Variants in ERLIN1 observed in about 807,000 individuals in gnomAD.
ERLIN1 encodes erlin-1.
ERLIN1 carries 24 observed loss-of-function variants against 46.9 expected under a neutral mutation model. The observed-to-expected ratio is 0.51, with a 90% CI of 0.37 to 0.72. The LOEUF is 0.72. Ranked by LOEUF, ERLIN1 falls within the 30% of genes least tolerant of loss-of-function variation. The pLI is 0.00. For synonymous variants in ERLIN1, 158 were observed against 143.2 expected (o/e 1.10, Z -0.74); for missense variants, 293 against 417.9 (o/e 0.70, Z 2.61).
At chr10:100,174,161 C>A (rs1364784367) in intron 6 of ERLIN1, 47 bp downstream of exon 6, 1 of 1,238,044 alleles carries the variant, frequency 8.1e-7, no homozygotes, top group Non-Finnish European at 1.2e-6. Flanking sequence ...GGAACAAACT[C>A]AAAGCTCTCA....
intron 6 of ERLIN1, among the ~76,000 whole-genome samples, chr10:100,170,211 T>C (rs1843910509): frequency 6.6e-6 from 1 of 152,174 alleles, no homozygotes. Context: ...TGGTAATGTG[T>C]TAAAAATAAC....
chr10:100,164,199 G>C (rs1843509545), intron 7 of ERLIN1, 104 bp from the exon 8 acceptor site: 1 of 689,934 alleles, frequency 1.4e-6, no homozygotes, highest in African/African-American at 1.8e-5. Context: ...TTGTCAACAT[G>C]AGCTTTTGGA....
At chr10:100,165,904 T>G (rs1843611913) in intron 7 of ERLIN1, among the ~76,000 whole-genome samples, 1 of 152,118 alleles carries the variant, frequency 6.6e-6, no homozygotes, top group Non-Finnish European at 1.5e-5. Flanking sequence ...TTTTCTATTT[T>G]TACTGGAGAC....
At chr10:100,159,144 G>A (rs11190406) in intron 8 of ERLIN1, among the ~76,000 whole-genome samples, 7,002 of 152,120 alleles carry the variant, frequency 0.046, 230 homozygotes, top group Middle Eastern at 0.11. Context: ...ATCTGGTATA[G>A]CTATATTATC....
chr10:100,178,064 T>A, intron 4 of ERLIN1, 69 bp downstream of exon 4: 1 of 996,198 alleles, frequency 1.0e-6, no homozygotes, highest in Admixed American at 2.2e-5. Context: ...CTTCTATTCC[T>A]CAAAGAATCT....
At chr10:100,182,819 G>A (rs1264112560) in intron 2 of ERLIN1, among the ~76,000 whole-genome samples, 13 of 152,094 alleles carry the variant, frequency 8.5e-5, no homozygotes. Context: ...AGAGTGAGAT[G>A]GCAGATAAAG....
At chr10:100,165,385 C>CT (rs35096142) in intron 7 of ERLIN1, among the ~76,000 whole-genome samples, 6,224 of 130,502 alleles carry the variant, frequency 0.048, 376 homozygotes, top group African/African-American at 0.12. Flanking sequence ...CAGAAGCAAT[C>CT]TTTTTTTTTT....
chr10:100,158,237 T>C (rs903043320), intron 8 of ERLIN1, among the ~76,000 whole-genome samples: 18 of 152,166 alleles, frequency 1.2e-4, no homozygotes, highest in Non-Finnish European at 5.9e-5. Flanking sequence ...AGTTAAGAAG[T>C]AACCTCTTCT....
chr10:100,154,790 C>G, intron 10 of ERLIN1, 70 bp downstream of exon 10: 1 of 1,204,690 alleles, frequency 8.3e-7, no homozygotes, highest in Non-Finnish European at 1.2e-6. Context: ...TCTATCATAT[C>G]AGAGCTCCTG....
At chr10:100,152,446 G>A (rs1589505302) in intron 10 of ERLIN1, 94 bp from the exon 11 acceptor site, 2 of 769,304 alleles carry the variant, frequency 2.6e-6, no homozygotes, top group East Asian at 2.4e-5. Flanking sequence ...GCTCTCCTGA[G>A]TATCATGAGT....
In ERLIN1 at chr10:100,185,743, C is replaced by T. The variant is rs1208071011; in HGVS notation, c.-117G>A. The T allele has an allele frequency of 2.5e-6, 2 of 798,458 alleles. No homozygotes were observed. The highest frequency in any genetic ancestry group is 2.1e-6 in the Non-Finnish European group (1 of 465,502). 49.5% of individuals were successfully genotyped at this position (798,458 alleles called of 1,614,324 possible). A position where few individuals can be genotyped will look rare whatever the true frequency, so the allele number is the denominator to read the frequency against. On this transcript the variant is annotated 5_prime_UTR_variant, in exon 1 of 11. Transcript: ENST00000421367. ...CTTGGCGCTCTCTCGCAGGCTGAGCCGGGGAGTCCAGTACCCCTGTCCCCT... is the reference window on the plus strand; with the variant it reads ...CTTGGCGCTCTCTCGCAGGCTGAGCTGGGGAGTCCAGTACCCCTGTCCCCT...
At chr10:100,169,432 T>A (rs991887885) in intron 6 of ERLIN1, among the ~76,000 whole-genome samples, 22 of 151,886 alleles carry the variant, frequency 1.4e-4, no homozygotes, top group African/African-American at 4.8e-4. Context: ...AAATCAAAGA[T>A]GACCATTTTC....
intron 8 of ERLIN1, among the ~76,000 whole-genome samples, chr10:100,157,478 A>G (rs1319003559): frequency 1.3e-5 from 2 of 152,236 alleles, no homozygotes; most frequent in Non-Finnish European, 2.9e-5. Context: ...AACATTCTCA[A>G]TTCTCCTTTT....
rs775229931 is a variant in ERLIN1, at chr10:100,152,197, G to A, written c.981C>T (p.Leu327=). 3 of 1,613,538 alleles carry A rather than the reference G, an allele frequency of 1.9e-6. No homozygotes were observed. Among genetic ancestry groups the A allele is most frequent in the South Asian group, 2.2e-5 (2 of 91,076 alleles). ...AGGGTTCAAGAGCCTCCTTAGAGGG[G>A]AGTGAGCTTTCTCTTCCAGTCCTAA... The part of the protein sequence containing the change: ...SDIRTGRESS[L]PSKEALEPSG... The change falls in exon 11 of 11, where the codon CTC becomes CTT. Residue 327 remains leucine (L), a synonymous_variant. Transcript: ENST00000421367.
chr10:100,180,524 A>G (rs942090328), intron 2 of ERLIN1, among the ~76,000 whole-genome samples: 2 of 152,260 alleles, frequency 1.3e-5, no homozygotes, highest in Admixed American at 1.3e-4. Context: ...AGTGGGAGAA[A>G]TAAGAACAGA....
chr10:100,177,274 T>C (rs1844364567), intron 4 of ERLIN1, among the ~76,000 whole-genome samples: 1 of 152,106 alleles, frequency 6.6e-6, no homozygotes, highest in South Asian at 2.1e-4. Context: ...TCAATCATAA[T>C]CCATTCCAGT....
At chr10:100,185,066 C>T (rs951240302) in intron 1 of ERLIN1, among the ~76,000 whole-genome samples, 7 of 151,796 alleles carry the variant, frequency 4.6e-5, no homozygotes, top group African/African-American at 1.5e-4. Flanking sequence ...GACATAAGCA[C>T]CATCACAGTC....
intron 6 of ERLIN1, among the ~76,000 whole-genome samples, chr10:100,172,928 A>G (rs1213794051): frequency 6.6e-6 from 1 of 152,176 alleles, no homozygotes; most frequent in African/African-American, 2.4e-5. Flanking sequence ...TGACCTTCAC[A>G]TTCACTATCT....
At chr10:100,165,210 A>G (rs933409666) in intron 7 of ERLIN1, among the ~76,000 whole-genome samples, 3 of 152,182 alleles carry the variant, frequency 2.0e-5, no homozygotes, top group African/African-American at 7.2e-5. Flanking sequence ...TAAAATTAAG[A>G]AAGATCCAGA....
Sources: allele counts gnomAD v4.1 joint callset (sites outside exome capture counted in the v4.1 genomes callset), GRCh38; gene constraint gnomAD v4.1.1; transcripts MANE v1.5; gene names NCBI Gene and HGNC (gene_info 2026-07-23, HGNC 2026-07-21).